Variants in GSK3B observed in about 807,000 individuals in gnomAD.
The protein encoded by GSK3B is glycogen synthase kinase 3 beta.
Under a neutral mutation model 56.4 loss-of-function variants are expected in GSK3B, and 15 were observed. The observed-to-expected ratio is 0.27, with a 90% CI of 0.18 to 0.41. The LOEUF (loss-of-function observed/expected upper bound fraction) is 0.41, where lower values mean the gene tolerates loss of function less well. Ranked by LOEUF, GSK3B falls within the 10% of genes least tolerant of loss-of-function variation. The pLI is 1.00. For synonymous variants in GSK3B, 181 were observed against 188.9 expected (o/e 0.96, Z 0.34); for missense variants, 300 against 513.4 (o/e 0.58, Z 4.02).
At chr3:120,071,391 G>A (rs907743469) in intron 1 of GSK3B, among the ~76,000 whole-genome samples, 1 of 152,102 alleles carries the variant, frequency 6.6e-6, no homozygotes, top group African/African-American at 2.4e-5. Context: ...GGCCTGTTAG[G>A]AACCAGACCG....
At chr3:119,971,061 T>G (rs1164351187) in intron 2 of GSK3B, among the ~76,000 whole-genome samples, 2 of 152,208 alleles carry the variant, frequency 1.3e-5, no homozygotes, top group Non-Finnish European at 2.9e-5. Context: ...AAGGTAAAAG[T>G]TTCCATGATA....
At chr3:120,071,759 T>A (rs745767068) in intron 1 of GSK3B, among the ~76,000 whole-genome samples, 1 of 152,228 alleles carries the variant, frequency 6.6e-6, no homozygotes, top group African/African-American at 2.4e-5. Flanking sequence ...TTAAATGTAA[T>A]GCACTTGAAT....
rs73854744 is a variant in GSK3B, at chr3:119,928,981, T to C, written c.367-5498A>G. 6.3e-3 allele frequency among the ~76,000 whole-genome samples: 967 copies of C among 152,332 alleles called. 12 individuals are homozygous for C. Among genetic ancestry groups the C allele is most frequent in the African/African-American group, 0.02 (826 of 41,572 alleles). On this transcript the variant is annotated intron_variant, in intron 3 of 10. Transcript: ENST00000264235. ...GCTATTTTCATCCTTAAAAAATTAGTTATCTTTTTTTCTTTAAATCTAATA... is the reference window on the plus strand; with the variant it reads ...GCTATTTTCATCCTTAAAAAATTAGCTATCTTTTTTTCTTTAAATCTAATA...
chr3:119,843,659 T>A (rs1261305434), intron 9 of GSK3B: 1 of 166,924 alleles, frequency 6.0e-6, no homozygotes, highest in Non-Finnish European at 1.3e-5. Context: ...TACAGGAGCA[T>A]CCGGATTCAT....
chr3:119,976,009 C>T (rs1234513093), intron 2 of GSK3B, among the ~76,000 whole-genome samples: 1 of 152,104 alleles, frequency 6.6e-6, no homozygotes, highest in African/African-American at 2.4e-5. Context: ...ATTAATATGT[C>T]AATGAGATAC....
At chr3:120,079,350 A>ATT (rs796534214) in intron 1 of GSK3B, among the ~76,000 whole-genome samples, 1 of 96,508 alleles carries the variant, frequency 1.0e-5, no homozygotes, top group Non-Finnish European at 2.2e-5. Context: ...ACACACACAC[A>ATT]TTTTTTTTTT....
intron 2 of GSK3B, among the ~76,000 whole-genome samples, chr3:119,972,278 A>G (rs2057374602): frequency 6.6e-6 from 1 of 152,226 alleles, no homozygotes; most frequent in South Asian, 2.1e-4. Context: ...AATGAGATTC[A>G]AATAAGGTAT....
chr3:119,939,669 G>A (rs1168763086), intron 3 of GSK3B, among the ~76,000 whole-genome samples: 2 of 152,110 alleles, frequency 1.3e-5, no homozygotes, highest in Non-Finnish European at 1.5e-5. Flanking sequence ...AATAATGTGG[G>A]CCTGAACTAA....
chr3:119,962,174 G>A (rs1044633704), intron 2 of GSK3B, among the ~76,000 whole-genome samples: 3 of 152,012 alleles, frequency 2.0e-5, no homozygotes, highest in Non-Finnish European at 2.9e-5. Context: ...TCGGGAGTTC[G>A]AGACCAGCCT....
intron 6 of GSK3B, among the ~76,000 whole-genome samples, chr3:119,910,887 A>G (rs1473910802): frequency 6.6e-6 from 1 of 152,220 alleles, no homozygotes; most frequent in South Asian, 2.1e-4. Flanking sequence ...CATCCATAAA[A>G]GAAGCAACTT....
intron 9 of GSK3B, among the ~76,000 whole-genome samples, chr3:119,850,282 C>T (rs1264136804): frequency 6.6e-6 from 1 of 151,926 alleles, no homozygotes; most frequent in African/African-American, 2.4e-5. Context: ...CTAGCAAGAA[C>T]CTAAAAGTTA....
intron 1 of GSK3B, among the ~76,000 whole-genome samples, chr3:120,005,941 G>A (rs2057723427): frequency 6.6e-6 from 1 of 152,236 alleles, no homozygotes; most frequent in East Asian, 1.9e-4. Context: ...AACCTTAAAT[G>A]TAAATGGGCT....
intron 8 of GSK3B, among the ~76,000 whole-genome samples, chr3:119,870,529 A>G (rs1435153407): frequency 6.6e-6 from 1 of 152,158 alleles, no homozygotes; most frequent in Non-Finnish European, 1.5e-5. Flanking sequence ...CCTTTTTCAC[A>G]TTATTCCTTT....
chr3:120,027,558 C>T (rs1043057594), intron 1 of GSK3B, among the ~76,000 whole-genome samples: 3 of 152,010 alleles, frequency 2.0e-5, no homozygotes, highest in Admixed American at 6.5e-5. Flanking sequence ...TCCAGATGTC[C>T]AATAGCAGAG....
At chr3:119,967,489 CAT>C (rs2057328201) in intron 2 of GSK3B, among the ~76,000 whole-genome samples, 1 of 152,126 alleles carries the variant, frequency 6.6e-6, no homozygotes, top group African/African-American at 2.4e-5. Context: ...TTGGAGGACT[CAT>C]ATTTCATATC....
At chr3:119,957,591 A>G (rs1166925760) in intron 2 of GSK3B, among the ~76,000 whole-genome samples, 3 of 152,242 alleles carry the variant, frequency 2.0e-5, no homozygotes, top group Admixed American at 1.3e-4. Flanking sequence ...ATTATTAACA[A>G]TAGCAATGAT....
chr3:119,980,594 C>T (rs2057450607), intron 2 of GSK3B, among the ~76,000 whole-genome samples: 1 of 152,172 alleles, frequency 6.6e-6, no homozygotes, highest in South Asian at 2.1e-4. Flanking sequence ...CCTCAGGTAA[C>T]CCACCCGTCT....
chr3:120,045,804 T>C (rs2058098086), intron 1 of GSK3B, among the ~76,000 whole-genome samples: 1 of 152,194 alleles, frequency 6.6e-6, no homozygotes, highest in Non-Finnish European at 1.5e-5. Flanking sequence ...GTTTTACTCA[T>C]ATTTGCCCAA....
intron 8 of GSK3B, among the ~76,000 whole-genome samples, chr3:119,864,309 G>A (rs2056147759): frequency 6.6e-6 from 1 of 151,982 alleles, no homozygotes. Context: ...GTCAACTGAA[G>A]GCTATATTGA....
Sources: allele counts gnomAD v4.1 joint callset (sites outside exome capture counted in the v4.1 genomes callset), GRCh38; gene constraint gnomAD v4.1.1; transcripts MANE v1.5; gene names NCBI Gene and HGNC (gene_info 2026-07-23, HGNC 2026-07-21).